Variants in MATK observed in about 807,000 individuals in gnomAD.
The protein encoded by MATK is megakaryocyte-associated tyrosine kinase.
In MATK, 41 loss-of-function variants were observed where a neutral mutation model predicts 59.8. The ratio of observed to expected loss-of-function variants is 0.69; its 90% CI spans 0.53 to 0.89. MATK has a LOEUF of 0.89. MATK is among the 40% of genes least tolerant of loss of function. MATK has a pLI of 0.00. For synonymous variants in MATK, 308 were observed against 306.1 expected (o/e 1.01, Z -0.06); for missense variants, 593 against 719.6 (o/e 0.82, Z 2.01).
chr19:3,784,930 G>T, intron 2 of MATK, 46 bp from the exon 3 acceptor site: 1 of 1,429,978 alleles, frequency 7.0e-7, no homozygotes, highest in Non-Finnish European at 9.7e-7. Context: ...TGGGACCCAC[G>T]GTCCAGTTCC....
chr19:3,789,104 T>C (rs557324118), upstream of MATK, among the ~76,000 whole-genome samples: 93 of 152,224 alleles, frequency 6.1e-4, no homozygotes, highest in African/African-American at 2.1e-3. Flanking sequence ...GGCTGTGGGA[T>C]AGTCTGGGGT....
intron 13 of MATK, 26 bp from the exon 14 acceptor site, chr19:3,778,448 G>T: frequency 1.9e-6 from 3 of 1,613,554 alleles, no homozygotes; most frequent in Non-Finnish European, 2.5e-6. Context: ...GTGGGCAGGG[G>T]TCAGGGCCAC....
At chr19:3,782,027 G>A (rs2037409056) in intron 7 of MATK, among the ~76,000 whole-genome samples, 1 of 152,178 alleles carries the variant, frequency 6.6e-6, no homozygotes, top group African/African-American at 2.4e-5. Flanking sequence ...GTAGTGCCAG[G>A]AAACACTTCA....
At chr19:3,789,441 G>C, upstream of MATK, 2 of 598,494 alleles carry the variant, frequency 3.3e-6, no homozygotes, top group Non-Finnish European at 6.2e-6. Flanking sequence ...TCCTCCCGAG[G>C]AGCCCCAGGG....
chr19:3,780,527 C>T (rs938059354), intron 8 of MATK, among the ~76,000 whole-genome samples: 7 of 150,914 alleles, frequency 4.6e-5, no homozygotes, highest in African/African-American at 1.2e-4. Context: ...TCCCAGGTCA[C>T]GCCATTCTCC....
At chr19:3,795,325 T>C (rs2037583985) in intron 1 of MATK, among the ~76,000 whole-genome samples, 1 of 148,764 alleles carries the variant, frequency 6.7e-6, no homozygotes, top group African/African-American at 2.5e-5. Flanking sequence ...CAGGCTGGAA[T>C]GCATTAACGT....
At chr19:3,795,127 G>C (rs746317309) in intron 1 of MATK, among the ~76,000 whole-genome samples, 1 of 151,456 alleles carries the variant, frequency 6.6e-6, no homozygotes, top group African/African-American at 2.4e-5. Context: ...ACAGGCGCCC[G>C]CCACCACACC....
Position 3,778,050 on chromosome 19 carries a change from G to C in MATK, c.*133C>G. The C allele has an allele frequency of 7.5e-7, 1 of 1,337,170 alleles. No individual in the cohort carries two copies. Among genetic ancestry groups the C allele is most frequent in the Non-Finnish European group, 9.9e-7 (1 of 1,010,218 alleles). The allele number at this position is 1,337,170 out of a possible 1,614,324, so 82.8% of individuals were successfully genotyped here. Reference sequence around the variant, plus strand: ...CCACGGGCCGCCCAGAGCCCCCTACGTGGGCCAGCCCCTGCTGTGGGCACC... The same window carrying C: ...CCACGGGCCGCCCAGAGCCCCCTACCTGGGCCAGCCCCTGCTGTGGGCACC... On this transcript the variant is annotated 3_prime_UTR_variant, in exon 14 of 14. Transcript: ENST00000310132.
At chr19:3,801,426 C>A (rs1021909251) in intron 1 of MATK, 1 of 152,320 alleles carries the variant, frequency 6.6e-6, no homozygotes, top group African/African-American at 2.4e-5. Flanking sequence ...CGTGACCTTG[C>A]AGATGCAGGT....
chr19:3,780,088 C>T (rs113605173), intron 8 of MATK, among the ~76,000 whole-genome samples: 2,063 of 152,232 alleles, frequency 0.014, 22 homozygotes, highest in Non-Finnish European at 0.02. Flanking sequence ...CAAGACCAGC[C>T]CGACTAACAT....
intron 1 of MATK, among the ~76,000 whole-genome samples, chr19:3,794,471 T>C (rs1254813091): frequency 6.6e-6 from 1 of 151,998 alleles, no homozygotes; most frequent in Admixed American, 6.6e-5. Context: ...CTGGCCAACA[T>C]AGTGAGACCC....
intron 1 of MATK, among the ~76,000 whole-genome samples, chr19:3,796,631 TCTC>T (rs759319465): frequency 3.3e-5 from 5 of 152,148 alleles, no homozygotes; most frequent in African/African-American, 4.8e-5. Flanking sequence ...AGAACTGACA[TCTC>T]CACTCAGGAC....
In MATK at chr19:3,779,712, C is replaced by T; in HGVS notation, c.828G>A (p.Glu276=). The T allele has an allele frequency of 1.2e-6, 2 of 1,613,086 alleles. No homozygotes were observed. The highest frequency in any genetic ancestry group is 1.7e-6 in the Non-Finnish European group (2 of 1,179,976). Residue 276 remains glutamate, a synonymous_variant, in exon 9 of 14, where the codon GAG becomes GAA. Coordinates refer to ENST00000310132, the MANE Select transcript of MATK (RefSeq NM_139355.3). The stretch of plus-strand genomic sequence containing the variant: ...CTGGGACTCACGTCATGACGGCCGT[C>T]TCGTCCAGGAAGGCCTGGGCTGTCA... ...CDVTAQAFLD[E]TAVMTKMQHE...
At chr19:3,800,650 A>G (rs1040029409) in intron 1 of MATK, among the ~76,000 whole-genome samples, 1 of 149,798 alleles carries the variant, frequency 6.7e-6, no homozygotes, top group African/African-American at 2.5e-5. Flanking sequence ...CCGTCTTCAG[A>G]AAAAAAAAGG....
upstream of MATK, among the ~76,000 whole-genome samples, chr19:3,790,549 C>T (rs745430594): frequency 1.2e-4 from 18 of 152,224 alleles, no homozygotes; most frequent in Admixed American, 5.9e-4. Context: ...CTAAAATGCT[C>T]AGCCTGGCAT....
chr19:3,779,865 G>T, intron 8 of MATK, 68 bp from the exon 9 acceptor site: 2 of 948,838 alleles, frequency 2.1e-6, no homozygotes, highest in Admixed American at 1.7e-5. Context: ...AGAGACAGAC[G>T]GACAGGCCCG....
chr19:3,785,457 C>T (rs1281804625), intron 1 of MATK, among the ~76,000 whole-genome samples, 171 bp from the exon 2 acceptor site: 4 of 152,168 alleles, frequency 2.6e-5, no homozygotes, highest in African/African-American at 9.6e-5. Context: ...AGGACAGACA[C>T]ACAAAGTCAC....
chr19:3,785,446 C>T (rs1305600522), intron 1 of MATK, among the ~76,000 whole-genome samples, 160 bp from the exon 2 acceptor site: 1 of 152,124 alleles, frequency 6.6e-6, no homozygotes, highest in Non-Finnish European at 1.5e-5. Flanking sequence ...CCCCCAAACC[C>T]AGGACAGACA....
Position 3,779,060 on chromosome 19 carries a change from C to T in MATK, c.1129G>A (p.Glu377Lys), listed in dbSNP as rs1010579422. The T allele has an allele frequency of 5.2e-5, 84 of 1,606,136 alleles. No homozygotes were observed. The highest frequency in any genetic ancestry group is 7.0e-5 in the Non-Finnish European group (82 of 1,178,202). ...KVSDFGLAKA[E>K]RKGLDSSRLP... ...CGGCTTGAGTCTAGCCCCTTCCGCT[C>T]GGCTTTGGCCAGGCCAAAGTCGCTG... The change falls in exon 12 of 14, where the codon GAG (glutamate) becomes AAG (lysine). Residue 377 changes from glutamate to lysine, a missense_variant. Glu to Lys is a moderately conservative substitution (Grantham distance 56, BLOSUM62 1). Coordinates refer to ENST00000310132, the MANE Select transcript of MATK (RefSeq NM_139355.3).
Sources: gnomAD v4.1 joint callset for allele counts (sites outside exome capture counted in the v4.1 genomes callset) on GRCh38, gnomAD v4.1.1 for gene constraint, MANE v1.5 for transcripts, NCBI Gene and HGNC (gene_info 2026-07-23, HGNC 2026-07-21) for gene names.